Variants in REDIC1 observed in about 807,000 individuals in gnomAD.
REDIC1 encodes regulator of DNA class I crossover intermediates 1, also known as HEI10 Interacting Protein 1.
chr12:39,775,463 C>T, the REDIC1 span, among the ~76,000 whole-genome samples: 1 of 152,220 alleles, frequency 6.6e-6, no homozygotes, highest in Non-Finnish European at 1.5e-5. Flanking sequence ...TAACAGGCTA[C>T]GGGCTCAGAG....
chr12:39,814,976 A>C, the REDIC1 span, among the ~76,000 whole-genome samples: 21 of 150,920 alleles, frequency 1.4e-4, no homozygotes, highest in African/African-American at 5.1e-4. Flanking sequence ...TTCTTCTTAC[A>C]CTTTTTTTTT....
At chr12:39,626,320 T>C in the REDIC1 span, 24 of 1,613,902 alleles carry the variant, frequency 1.5e-5, 1 homozygote, top group South Asian at 2.5e-4. Context: ...GACCTCAGTG[T>C]CAAAAGATTT....
the REDIC1 span, among the ~76,000 whole-genome samples, chr12:39,888,495 G>C: frequency 2.0e-5 from 3 of 152,212 alleles, no homozygotes; most frequent in African/African-American, 7.2e-5. Context: ...AAAGTGTTGG[G>C]ATTACAGGCT....
the REDIC1 span, among the ~76,000 whole-genome samples, chr12:39,626,529 A>G: frequency 1.3e-5 from 2 of 152,274 alleles, no homozygotes; most frequent in Admixed American, 6.5e-5. Context: ...TCTACTCCTC[A>G]GACAAAAGTA....
At chr12:39,703,924 T>G in the REDIC1 span, among the ~76,000 whole-genome samples, 1 of 152,088 alleles carries the variant, frequency 6.6e-6, no homozygotes, top group Non-Finnish European at 1.5e-5. Flanking sequence ...CAAAAATCAA[T>G]TCAAGATGGA....
the REDIC1 span, among the ~76,000 whole-genome samples, chr12:39,861,946 G>A: frequency 6.6e-6 from 1 of 152,236 alleles, no homozygotes; most frequent in Non-Finnish European, 1.5e-5. Flanking sequence ...CATGTGCCAT[G>A]GTGGTTTGCT....
At chr12:39,805,420 A>G in the REDIC1 span, among the ~76,000 whole-genome samples, 2 of 151,852 alleles carry the variant, frequency 1.3e-5, no homozygotes, top group Non-Finnish European at 1.5e-5. Context: ...AGGAAGTGGG[A>G]ATCTGGGTAC....
At chr12:39,770,488 G>A in the REDIC1 span, among the ~76,000 whole-genome samples, 1 of 152,152 alleles carries the variant, frequency 6.6e-6, no homozygotes, top group Non-Finnish European at 1.5e-5. Context: ...AGCAATAACA[G>A]TTATGAACAA....
At chr12:39,854,144 G>A in the REDIC1 span, among the ~76,000 whole-genome samples, 35 of 151,940 alleles carry the variant, frequency 2.3e-4, no homozygotes, top group Non-Finnish European at 4.6e-4. Flanking sequence ...AGGGAGGCAG[G>A]TGGACAGAAC....
At chr12:39,791,238 CT>C in the REDIC1 span, among the ~76,000 whole-genome samples, 1 of 145,480 alleles carries the variant, frequency 6.9e-6, no homozygotes, top group Non-Finnish European at 1.5e-5. Flanking sequence ...ATAATAAGAG[CT>C]ATCTATGACA....
chr12:39,643,985 A>G, the REDIC1 span: 12 of 1,251,784 alleles, frequency 9.6e-6, no homozygotes, highest in Non-Finnish European at 1.3e-5. Context: ...TCTTCTAATT[A>G]GTTTGTAATT....
chr12:39,711,452 T>C, the REDIC1 span, among the ~76,000 whole-genome samples: 12 of 141,330 alleles, frequency 8.5e-5, no homozygotes, highest in African/African-American at 1.3e-4. Flanking sequence ...TGTACATATA[T>C]ACACATATAC....
chr12:39,631,804 A>G, the REDIC1 span, among the ~76,000 whole-genome samples: 1 of 152,174 alleles, frequency 6.6e-6, no homozygotes, highest in African/African-American at 2.4e-5. Context: ...ACGAAATGCA[A>G]TTTTAAACAT....
At chr12:39,683,238 G>T in the REDIC1 span, 3 of 1,280,624 alleles carry the variant, frequency 2.3e-6, no homozygotes, top group Non-Finnish European at 3.2e-6. Context: ...CTATATATTT[G>T]TATGTGTGTT....
At chr12:39,842,903 T>G in the REDIC1 span, among the ~76,000 whole-genome samples, 1 of 152,016 alleles carries the variant, frequency 6.6e-6, no homozygotes, top group Non-Finnish European at 1.5e-5. Flanking sequence ...TCACCCAGCA[T>G]GTTTTTGTGG....
At chr12:39,890,747 G>A in the REDIC1 span, among the ~76,000 whole-genome samples, 3 of 152,070 alleles carry the variant, frequency 2.0e-5, no homozygotes, top group Admixed American at 2.0e-4. Flanking sequence ...AGCAGCTGTA[G>A]AAAACCAATA....
At chr12:39,764,973 T>C in the REDIC1 span, 8 of 1,216,402 alleles carry the variant, frequency 6.6e-6, no homozygotes, top group South Asian at 1.3e-4. Flanking sequence ...GAGTCCAAAA[T>C]GTTTTTCTTA....
chr12:39,695,486 G>A, the REDIC1 span, among the ~76,000 whole-genome samples: 1 of 152,190 alleles, frequency 6.6e-6, no homozygotes, highest in East Asian at 1.9e-4. Context: ...GGCCTGGGTT[G>A]TGATGGCCAT....
At chr12:39,784,141 T>C in the REDIC1 span, among the ~76,000 whole-genome samples, 18 of 152,270 alleles carry the variant, frequency 1.2e-4, no homozygotes, top group East Asian at 1.9e-4. Flanking sequence ...TGAAAATGGC[T>C]ATACTGCCCA....
Sources: allele counts gnomAD v4.1 joint callset (sites outside exome capture counted in the v4.1 genomes callset), GRCh38; gene constraint gnomAD v4.1.1; transcripts MANE v1.5; gene names NCBI Gene and HGNC (gene_info 2026-07-23, HGNC 2026-07-21).